Variants in PCDHA9 observed in about 807,000 individuals in gnomAD.
The protein encoded by PCDHA9 is protocadherin alpha-9.
PCDHA9 carries 62 observed loss-of-function variants against 62.0 expected under a neutral mutation model. The ratio of observed to expected loss-of-function variants is 1.00; its 90% CI spans 0.81 to 1.23. PCDHA9 has a LOEUF of 1.23. Ranked by LOEUF, PCDHA9 falls within the 50% of genes most tolerant of loss-of-function variation. PCDHA9 has a pLI of 0.00. For missense variants in PCDHA9, 1,205 were observed against 1,249.8 expected (o/e 0.96, Z 0.54); for synonymous variants, 557 against 567.6 (o/e 0.98, Z 0.27).
At chr5:140,996,386 C>G (rs574909973) in intron 3 of PCDHA9, among the ~76,000 whole-genome samples, 1 of 152,268 alleles carries the variant, frequency 6.6e-6, no homozygotes, top group South Asian at 2.1e-4. Flanking sequence ...GAAATAATGC[C>G]TCATAGAGTT....
intron 1 of PCDHA9, among the ~76,000 whole-genome samples, chr5:140,926,146 G>T (rs553563976): frequency 6.6e-5 from 10 of 152,056 alleles, no homozygotes; most frequent in Non-Finnish European, 1.3e-4. Context: ...GATCCAGCGC[G>T]GAAAGCTCTG....
rs185767188 is a variant in PCDHA9 at position 140,858,268 on chromosome 5, T to C, written c.2394+7379T>C. On this transcript the variant is annotated intron_variant, in intron 1 of 3. Transcript: ENST00000532602. ...CGGTGAAGCCCACGCTGGTGTGCTC[T>C]AGCGCGGTGGGGAGCTGGTCTTACT... The C allele has an allele frequency of 2.5e-3, 4,023 of 1,597,108 alleles. 314 individuals carry two copies. Among genetic ancestry groups the C allele is most frequent in the Middle Eastern group, 0.01 (61 of 5,954 alleles).
chr5:140,883,987 G>A (rs782597930), intron 1 of PCDHA9: 2 of 1,612,956 alleles, frequency 1.2e-6, no homozygotes, highest in East Asian at 2.2e-5. Flanking sequence ...CTGGCAGCGC[G>A]GGAGGCACAG....
chr5:140,856,202 G>A lies in PCDHA9; in HGVS notation c.2394+5313G>A, dbSNP rs150172685. On this transcript the variant is annotated intron_variant, in intron 1 of 3. Coordinates refer to ENST00000532602, the MANE Select transcript of PCDHA9 (RefSeq NM_031857.2). The stretch of plus-strand genomic sequence containing the variant: ...CGTGGGCCGCATCGCGCAGGACCTG[G>A]GGCTGGAGCTGGCGGAGCTGGTGCA... 2,025 of 1,598,130 alleles carry A rather than the reference G, an allele frequency of 1.3e-3. 175 individuals carry two copies. Among genetic ancestry groups the A allele is most frequent in the Non-Finnish European group, 1.6e-3 (1,906 of 1,167,884 alleles).
rs144442302 is a variant in PCDHA9, at chr5:140,850,848, C to A, written c.2353C>A (p.Arg785=). The change falls in exon 1 of 4, where the codon CGA becomes AGA. Residue 785 remains arginine, a synonymous_variant. Coordinates refer to ENST00000532602, the MANE Select transcript of PCDHA9 (RefSeq NM_031857.2). ...TTCTCCTTGTGCTGGATCTACAGAG[C>A]GAACGGGAGAACCCTCTGCTTCCTC... is the stretch of plus-strand genomic sequence containing the variant. ...GLSPCAGSTE[R]TGEPSASSDS... The A allele has an allele frequency of 1.4e-5, 23 of 1,596,174 alleles. 3 individuals are homozygous for A. In the Middle Eastern group the frequency reaches 5.0e-4, roughly 35 times the overall value.
chr5:140,957,581 C>T (rs1396438252), intron 1 of PCDHA9, among the ~76,000 whole-genome samples: 3 of 152,066 alleles, frequency 2.0e-5, no homozygotes, highest in South Asian at 2.1e-4. Flanking sequence ...GTACTTTTAA[C>T]AAAGCACTTC....
At chr5:140,867,473 GA>G (rs1319417026) in intron 1 of PCDHA9, 2 of 151,968 alleles carry the variant, frequency 1.3e-5, no homozygotes, top group Non-Finnish European at 2.9e-5. Flanking sequence ...ACAACATTGG[GA>G]AAAGAGTAAA....
Position 140,850,629 on chromosome 5 carries a change from G to T in PCDHA9, c.2134G>T (p.Val712Phe), listed in dbSNP as rs2150491518. Residue 712 changes from valine (V) to phenylalanine (F), a missense_variant, in exon 1 of 4, where the codon GTT becomes TTT. Transcript: ENST00000532602. ...CATCTGCGCGGTGTCTAGCCTGTTG[G>T]TTCTCACGCTGCTGCTGTACACTGT... is the stretch of plus-strand genomic sequence containing the variant. The part of the protein sequence containing the change: ...IAICAVSSLL[V>F]LTLLLYTVLR... 44 of 1,598,620 alleles carry T rather than the reference G, an allele frequency of 2.8e-5. 2 individuals carry two copies. The East Asian group carries it at 9.4e-4, about 34-fold the overall frequency.
chr5:140,970,776 A>G lies in PCDHA9; in HGVS notation c.2395-8173A>G, dbSNP rs1338334067. Among the ~76,000 whole-genome samples the G allele has an allele frequency of 1.3e-5, 2 of 152,212 alleles. 1 individual carries two copies. The highest frequency in any genetic ancestry group is 4.8e-5 in the African/African-American group (2 of 41,458). On this transcript the variant is annotated intron_variant, in intron 1 of 3. Coordinates refer to ENST00000532602, the MANE Select transcript of PCDHA9 (RefSeq NM_031857.2). Reference sequence around the variant, plus strand: ...TTCATTGACATATTGCTGTACATACATATTGTATGTAATATCCATATTGTT... The same window carrying G: ...TTCATTGACATATTGCTGTACATACGTATTGTATGTAATATCCATATTGTT...
At chr5:140,938,507 C>T (rs2092094259) in intron 1 of PCDHA9, among the ~76,000 whole-genome samples, 1 of 151,846 alleles carries the variant, frequency 6.6e-6, no homozygotes, top group Admixed American at 6.6e-5. Flanking sequence ...GAATTTATCA[C>T]ATATTTTCTG....
At chr5:140,981,458 C>T (rs1465511355) in intron 2 of PCDHA9, among the ~76,000 whole-genome samples, 5 of 152,134 alleles carry the variant, frequency 3.3e-5, no homozygotes, top group African/African-American at 4.8e-5. Flanking sequence ...CCTGTAGTCC[C>T]AGCTACTTGG....
At chr5:140,960,273 C>T (rs1490527862) in intron 1 of PCDHA9, among the ~76,000 whole-genome samples, 1 of 152,148 alleles carries the variant, frequency 6.6e-6, no homozygotes, top group Non-Finnish European at 1.5e-5. Context: ...AATTCCGTCA[C>T]CTTTTTGGGA....
intron 1 of PCDHA9, among the ~76,000 whole-genome samples, chr5:140,916,262 G>A: frequency 6.6e-6 from 1 of 152,202 alleles, no homozygotes; most frequent in East Asian, 1.9e-4. Flanking sequence ...GACCCCAAGA[G>A]CATGCTTGTT....
At chr5:141,004,573 G>A (rs2098171340) in intron 3 of PCDHA9, among the ~76,000 whole-genome samples, 1 of 152,220 alleles carries the variant, frequency 6.6e-6, no homozygotes, top group South Asian at 2.1e-4. Context: ...ATATCTCTGT[G>A]TTCTGCATCT....
Position 141,010,263 on chromosome 5 carries a change from C to T in PCDHA9, c.*326C>T, listed in dbSNP as rs782479376. On this transcript the variant is annotated 3_prime_UTR_variant, in exon 4 of 4. Transcript: ENST00000532602. Reference sequence around the variant, plus strand: ...AGGTTGGACTCTCTGCCCTGTGCTCCGGGGATCCTGTCTTGATGACACTTG... The same window carrying T: ...AGGTTGGACTCTCTGCCCTGTGCTCTGGGGATCCTGTCTTGATGACACTTG... The T allele has an allele frequency of 8.4e-6, 13 of 1,551,608 alleles. No homozygotes were observed. Among genetic ancestry groups the T allele is most frequent in the African/African-American group, 5.5e-5 (4 of 73,018 alleles).
intron 1 of PCDHA9, among the ~76,000 whole-genome samples, chr5:140,903,825 C>A (rs1367828043): frequency 2.0e-5 from 3 of 152,092 alleles, no homozygotes; most frequent in Admixed American, 2.0e-4. Flanking sequence ...ACATGAATGT[C>A]TGTTGGTATT....
chr5:140,985,488 A>G (rs1554247116), intron 3 of PCDHA9, among the ~76,000 whole-genome samples: 1 of 152,156 alleles, frequency 6.6e-6, no homozygotes, highest in Non-Finnish European at 1.5e-5. Flanking sequence ...CCAGACTCAA[A>G]TAGAGCCTGC....
intron 1 of PCDHA9, among the ~76,000 whole-genome samples, chr5:140,944,956 A>T (rs2093715486): frequency 6.6e-6 from 1 of 152,140 alleles, no homozygotes; most frequent in Non-Finnish European, 1.5e-5. Context: ...GAATAAGAGT[A>T]TTATCTTAAC....
intron 1 of PCDHA9, among the ~76,000 whole-genome samples, chr5:140,888,280 C>T (rs182771664): frequency 2.0e-5 from 3 of 152,210 alleles, no homozygotes; most frequent in African/African-American, 4.8e-5. Context: ...GTTTTGTCCC[C>T]TCTACCCCCT....
Sources: allele counts gnomAD v4.1 joint callset (sites outside exome capture counted in the v4.1 genomes callset), GRCh38; gene constraint gnomAD v4.1.1; transcripts MANE v1.5; gene names NCBI Gene and HGNC (gene_info 2026-07-23, HGNC 2026-07-21).